SMG5: variants seen among roughly 807,000 people sequenced by gnomAD.
SMG5 encodes nonsense-mediated mRNA decay factor SMG5.
SMG5 carries 53 observed loss-of-function variants against 122.9 expected under a neutral mutation model. The observed-to-expected ratio is 0.43, with a 90% CI of 0.35 to 0.54. SMG5 has a LOEUF of 0.54. Among genes scored for constraint, SMG5 ranks in the 20% least tolerant of loss-of-function variants. The pLI, the probability that SMG5 is intolerant of heterozygous loss-of-function variation, is 0.01. For missense variants in SMG5, 1,153 were observed against 1,285.6 expected (o/e 0.90, Z 1.58); for synonymous variants, 477 against 490.2 (o/e 0.97, Z 0.35).
chr1:156,268,166 C>A lies in SMG5; in HGVS notation c.857G>T (p.Arg286Met), dbSNP rs1457542144. 1 of 1,614,106 alleles carries A rather than the reference C, an allele frequency of 6.2e-7. No individual in the cohort carries two copies. The highest frequency in any genetic ancestry group is 8.5e-7 in the Non-Finnish European group (1 of 1,180,016). ...CAGATACATAAAGTTCACTAGCAAC[C>A]TTTTAATGTCTTTACATCTGAAATG... ...PGKKRCKDIK[R>M]LLVNFMYLQS... The change falls in exon 9 of 22, where the codon AGG becomes ATG. Residue 286 changes from arginine (R) to methionine (M), a missense_variant. Arg to Met is a moderately conservative substitution (Grantham distance 91, BLOSUM62 -1). Around this residue, in one of 5 missense-constraint regions of SMG5, gnomAD observed 631 missense variants for 650.6 expected, o/e 0.97. Transcript: ENST00000361813.
intron 16 of SMG5, among the ~76,000 whole-genome samples, chr1:156,258,691 G>A (rs1661682376): frequency 6.6e-6 from 1 of 152,124 alleles, no homozygotes; most frequent in Non-Finnish European, 1.5e-5. Flanking sequence ...AGCTACTCAG[G>A]AGGCTGAGGC....
rs542843139 is a variant in SMG5, at chr1:156,273,425, G to A, written c.570C>T (p.Gly190=). The change falls in exon 6 of 22, where the codon GGC becomes GGT. Residue 190 remains glycine, a synonymous_variant. Coordinates refer to ENST00000361813, the MANE Select transcript of SMG5 (RefSeq NM_015327.3). ...TCTCGGCTAGCAGCTCGGTATCTAC[G>A]CCAGCTAATTCATTCTGATATCGGG... ...DLSRYQNELA[G]VDTELLAERF... 20 of 1,613,940 alleles carry A rather than the reference G, an allele frequency of 1.2e-5. No homozygotes were observed. The highest frequency in any genetic ancestry group is 1.7e-4 in the Middle Eastern group (1 of 6,056).
intron 17 of SMG5, 115 bp from the exon 18 acceptor site, chr1:156,253,193 A>G (rs1338520965): frequency 1.7e-6 from 2 of 1,203,294 alleles, no homozygotes; most frequent in African/African-American, 3.1e-5. Context: ...AGGGGATCAG[A>G]GGACCCTCTC....
chr1:156,282,053 A>C (rs1662974465), intron 1 of SMG5, among the ~76,000 whole-genome samples: 1 of 152,228 alleles, frequency 6.6e-6, no homozygotes, highest in East Asian at 1.9e-4. Context: ...TTCCAGGCCA[A>C]GACTTTCTCA....
chr1:156,253,178 T>C, intron 17 of SMG5, 100 bp from the exon 18 acceptor site: 1 of 1,327,636 alleles, frequency 7.5e-7, no homozygotes, highest in South Asian at 1.5e-5. Context: ...CTCCTCCTGT[T>C]GTTAAGGGGA....
In SMG5 at chr1:156,252,510, G is replaced by A. The variant is rs922991074; in HGVS notation, c.2663-6C>T. On this transcript the variant is annotated splice_region_variant and splice_polypyrimidine_tract_variant and intron_variant, in intron 18 of 21. Coordinates refer to ENST00000361813, the MANE Select transcript of SMG5 (RefSeq NM_015327.3). Reference sequence around the variant, plus strand: ...CAAATCCAGGCCATCGATCACTGGTGGGCAAGGTAGGGAAAGACAAAACAG... The same window carrying A: ...CAAATCCAGGCCATCGATCACTGGTAGGCAAGGTAGGGAAAGACAAAACAG... 3 of 1,613,868 alleles carry A rather than the reference G, an allele frequency of 1.9e-6. No individual in the cohort carries two copies. The highest frequency in any genetic ancestry group is 1.7e-6 in the Non-Finnish European group (2 of 1,179,940).
At chr1:156,273,015 A>C (rs11264463) in intron 6 of SMG5, among the ~76,000 whole-genome samples, 2 of 151,900 alleles carry the variant, frequency 1.3e-5, no homozygotes, top group Admixed American at 6.6e-5. Flanking sequence ...TCAGCACTGA[A>C]TGCTTGTTCC....
intron 16 of SMG5, chr1:156,253,730 C>T (rs1572572279): frequency 3.5e-6 from 2 of 576,220 alleles, no homozygotes; most frequent in East Asian, 6.0e-5. Context: ...CATGATGTTC[C>T]AGGCCCTGCA....
upstream of SMG5, among the ~76,000 whole-genome samples, chr1:156,287,230 C>G (rs1663192730): frequency 6.6e-6 from 1 of 151,954 alleles, no homozygotes; most frequent in South Asian, 2.1e-4. Flanking sequence ...GCTTGGCCAA[C>G]AAGGTGAAAC....
intron 13 of SMG5, 149 bp downstream of exon 13, chr1:156,263,246 A>T (rs1661940278): frequency 1.1e-6 from 1 of 885,088 alleles, no homozygotes; most frequent in Non-Finnish European, 1.7e-6. Context: ...TCCCTGTCAG[A>T]GCATAAGGGC....
In SMG5 at chr1:156,265,819, G is replaced by T. The variant is rs772994381; in HGVS notation, c.1817C>A (p.Pro606His). The change falls in exon 12 of 22, where the codon CCT becomes CAT. Residue 606 changes from proline (P) to histidine (H), a missense_variant. Transcript: ENST00000361813. ...TNPHTSASHRPCVNGDVDKPS... is the reference protein window; with the variant it reads ...TNPHTSASHRHCVNGDVDKPS... ...CTTGTCTACATCCCCATTGACGCAA[G>T]GCCTGTGGCTGGCCGAGGTATGAGG... 1 of 1,614,172 alleles carries T rather than the reference G, an allele frequency of 6.2e-7. No homozygotes were observed. The highest frequency in any genetic ancestry group is 8.5e-7 in the Non-Finnish European group (1 of 1,180,024).
At chr1:156,277,023 G>A in intron 4 of SMG5, 62 bp downstream of exon 4, 1 of 1,552,086 alleles carries the variant, frequency 6.4e-7, no homozygotes, top group Non-Finnish European at 8.8e-7. Context: ...GAACCCTGAG[G>A]GATAAGGCCA....
At chr1:156,288,752 G>T in the SMG5 span, among the ~76,000 whole-genome samples, 2 of 152,168 alleles carry the variant, frequency 1.3e-5, no homozygotes, top group African/African-American at 4.8e-5. Context: ...GCAGTCAGTT[G>T]TCCCACCAGC....
rs530132356 is a variant in SMG5 at position 156,274,822 on chromosome 1, A to G, written c.455-136T>C. On this transcript the variant is annotated intron_variant, in intron 4 of 21. Transcript: ENST00000361813. Reference sequence around the variant, plus strand: ...ACATTGTCTTTCAGGGCAGAGACACACTCATCCAGGACACAGGGAGAGACA... The same window carrying G: ...ACATTGTCTTTCAGGGCAGAGACACGCTCATCCAGGACACAGGGAGAGACA... 3 of 673,882 alleles carry G rather than the reference A, an allele frequency of 4.5e-6. No individual in the cohort carries two copies. In the South Asian group the frequency reaches 4.7e-5, roughly 11 times the overall value. The allele number at this position is 673,882 out of a possible 1,614,324, so 41.7% of individuals were successfully genotyped here. A position where few individuals can be genotyped will look rare whatever the true frequency, so the allele number is the denominator to read the frequency against.
At chr1:156,262,235 G>A (rs1008017225) in intron 13 of SMG5, among the ~76,000 whole-genome samples, 2 of 152,088 alleles carry the variant, frequency 1.3e-5, no homozygotes, top group African/African-American at 2.4e-5. Flanking sequence ...GGTGGCTCAC[G>A]CCTGTAATCC....
intron 16 of SMG5, among the ~76,000 whole-genome samples, chr1:156,253,921 C>G (rs1330902139): frequency 6.6e-6 from 1 of 152,134 alleles, no homozygotes; most frequent in Non-Finnish European, 1.5e-5. Flanking sequence ...AGATTCAGCC[C>G]AGGCCTGACC....
chr1:156,250,755 T>A (rs888639451), intron 21 of SMG5, 85 bp from the exon 22 acceptor site: 5 of 1,600,704 alleles, frequency 3.1e-6, no homozygotes, highest in East Asian at 2.2e-5. Flanking sequence ...GAAGGAGTGA[T>A]GGAAGAGAAA....
intron 10 of SMG5, 109 bp from the exon 11 acceptor site, chr1:156,266,787 A>C: frequency 8.4e-7 from 1 of 1,195,526 alleles, no homozygotes; most frequent in Non-Finnish European, 1.1e-6. Flanking sequence ...GGATCCAACT[A>C]CTTATCAAAG....
At chr1:156,287,632 G>A (rs1192862963), upstream of SMG5, among the ~76,000 whole-genome samples, 1 of 33,648 alleles carries the variant, frequency 3.0e-5, no homozygotes, top group Non-Finnish European at 5.8e-5. Context: ...TTTTTTTTTT[G>A]AGACAGTGTT....
Sources: allele counts gnomAD v4.1 joint callset (sites outside exome capture counted in the v4.1 genomes callset), GRCh38; gene constraint gnomAD v4.1.1; regional missense constraint gnomAD v4.1.1; transcripts MANE v1.5; gene names NCBI Gene and HGNC (gene_info 2026-07-23, HGNC 2026-07-21).